Variants in XRCC4 observed in about 807,000 individuals in gnomAD.
XRCC4 encodes the protein X-ray repair cross complementing 4, also known as DNA repair protein XRCC4.
In XRCC4, 28 loss-of-function variants were observed where a neutral mutation model predicts 39.1. That is an observed-to-expected ratio of 0.72 (90% CI 0.53 to 0.98). The LOEUF (loss-of-function observed/expected upper bound fraction) is 0.98. Among genes scored for constraint, XRCC4 ranks in the 50% least tolerant of loss-of-function variants. The pLI is 0.00. For synonymous variants in XRCC4, 123 were observed against 126.4 expected, an observed-to-expected ratio of 0.97 and a Z score of 0.18; for missense variants, 350 against 376.4, an observed-to-expected ratio of 0.93 and a Z score of 0.58.
At chr5:83,290,622 CACTT>C (rs138930419) in intron 7 of XRCC4, among the ~76,000 whole-genome samples, 6,728 of 151,822 alleles carry the variant, frequency 0.044, 214 homozygotes, top group South Asian at 0.14. Flanking sequence ...ATCTGTTACT[CACTT>C]AAAGGGAAAA....
At chr5:83,369,165 T>C in the XRCC4 span, among the ~76,000 whole-genome samples, 1 of 152,166 alleles carries the variant, frequency 6.6e-6, no homozygotes, top group African/African-American at 2.4e-5. Flanking sequence ...AAAGCAATGA[T>C]CTTGCAAGAA....
rs558288672 is a variant in XRCC4, at chr5:83,342,334, A to G, written c.894-10797A>G. Among the ~76,000 whole-genome samples the G allele has an allele frequency of 3.2e-4, 49 of 152,288 alleles. No homozygotes were observed. In the South Asian group the frequency reaches 6.6e-3, roughly 21 times the overall value. ...TTAAAATTTGAATTCTCCAGAACAGATAATCTTATTTTTAAATCTGTAATA... is the reference window on the plus strand; with the variant it reads ...TTAAAATTTGAATTCTCCAGAACAGGTAATCTTATTTTTAAATCTGTAATA... On this transcript the variant is annotated intron_variant, in intron 7 of 7. Transcript: ENST00000396027.
chr5:83,223,464 C>A (rs375124026), intron 6 of XRCC4, among the ~76,000 whole-genome samples: 1 of 149,818 alleles, frequency 6.7e-6, no homozygotes, highest in African/African-American at 2.5e-5. Flanking sequence ...ATATAATTAC[C>A]TCCATTGTTG....
intron 1 of XRCC4, among the ~76,000 whole-genome samples, chr5:83,079,054 A>G (rs1472384406): frequency 1.3e-5 from 2 of 152,208 alleles, no homozygotes; most frequent in Non-Finnish European, 2.9e-5. Context: ...TCTTTGTTAC[A>G]TATAAAGGTA....
chr5:83,126,813 A>G (rs953587690), intron 3 of XRCC4, among the ~76,000 whole-genome samples: 6 of 152,174 alleles, frequency 3.9e-5, no homozygotes, highest in East Asian at 1.9e-4. Flanking sequence ...TAGAGACTCA[A>G]TCCTTCCAAC....
intron 1 of XRCC4, among the ~76,000 whole-genome samples, chr5:83,096,897 T>C (rs1745702474): frequency 7.0e-6 from 1 of 143,468 alleles, no homozygotes; most frequent in Non-Finnish European, 1.5e-5. Context: ...TTTCCCACAG[T>C]CCCACTCGTC....
chr5:83,082,774 T>C (rs551180810), intron 1 of XRCC4, among the ~76,000 whole-genome samples: 1 of 152,202 alleles, frequency 6.6e-6, no homozygotes, highest in Admixed American at 6.5e-5. Flanking sequence ...GTTAGTGTAT[T>C]TTATGTGTGG....
At chr5:83,206,828 G>A (rs984988460) in intron 6 of XRCC4, among the ~76,000 whole-genome samples, 5 of 152,010 alleles carry the variant, frequency 3.3e-5, no homozygotes, top group African/African-American at 9.7e-5. Flanking sequence ...TAGTAGATTA[G>A]TTTAGCCAGG....
rs112963957 is a variant in XRCC4, at chr5:83,253,357, T to G, written c.746-5173T>G. ...CTCATGGTTGGTTGGTTGGTTGGTTTGTCTGTACATGGCATTTGCAAACAG... is the reference window on the plus strand; with the variant it reads ...CTCATGGTTGGTTGGTTGGTTGGTTGGTCTGTACATGGCATTTGCAAACAG... On this transcript the variant is annotated intron_variant, in intron 6 of 7. Coordinates refer to ENST00000396027, the MANE Select transcript of XRCC4 (RefSeq NM_003401.5). Among the ~76,000 whole-genome samples the G allele has an allele frequency of 8.3e-3, 1,271 of 152,276 alleles. 16 individuals are homozygous for G. The highest frequency in any genetic ancestry group is 0.071 in the East Asian group (370 of 5,176).
At chr5:83,270,994 G>A (rs2112929345) in intron 7 of XRCC4, among the ~76,000 whole-genome samples, 1 of 151,886 alleles carries the variant, frequency 6.6e-6, no homozygotes, top group African/African-American at 2.4e-5. Context: ...CCATGTATAG[G>A]AAGACAGAAG....
chr5:83,095,403 T>C (rs143708026), intron 1 of XRCC4, among the ~76,000 whole-genome samples: 2 of 152,312 alleles, frequency 1.3e-5, no homozygotes, highest in African/African-American at 4.8e-5. Flanking sequence ...CCAATTTTTA[T>C]GTTCAATAGA....
At chr5:83,185,422 T>TTATATATATA (rs67640834) in intron 3 of XRCC4, among the ~76,000 whole-genome samples, 2 of 146,122 alleles carry the variant, frequency 1.4e-5, no homozygotes, top group African/African-American at 5.0e-5. Context: ...AAAGTATGTA[T>TTATATATATA]TATATATATA....
chr5:83,151,400 G>A (rs768966561), intron 3 of XRCC4, among the ~76,000 whole-genome samples: 1 of 152,110 alleles, frequency 6.6e-6, no homozygotes, highest in Non-Finnish European at 1.5e-5. Context: ...TAAAAAGGAA[G>A]AACTGTTGAT....
intron 3 of XRCC4, among the ~76,000 whole-genome samples, chr5:83,146,562 A>T (rs1241999548): frequency 6.6e-6 from 1 of 152,214 alleles, no homozygotes; most frequent in Non-Finnish European, 1.5e-5. Context: ...GTAAGAAATC[A>T]TATATTATTC....
intron 7 of XRCC4, among the ~76,000 whole-genome samples, chr5:83,330,357 T>A (rs1005888159): frequency 2.6e-5 from 4 of 152,040 alleles, no homozygotes; most frequent in Non-Finnish European, 5.9e-5. Flanking sequence ...TATATAATTA[T>A]ACAAGATAGT....
intron 3 of XRCC4, among the ~76,000 whole-genome samples, chr5:83,171,386 G>A (rs991049909): frequency 2.0e-5 from 3 of 151,876 alleles, no homozygotes; most frequent in African/African-American, 7.3e-5. Flanking sequence ...CCTTATCAGA[G>A]GACAAAATAT....
intron 7 of XRCC4, among the ~76,000 whole-genome samples, chr5:83,348,792 C>T (rs558674713): frequency 6.6e-6 from 1 of 152,324 alleles, no homozygotes; most frequent in Admixed American, 6.5e-5. Flanking sequence ...CTTTAATATT[C>T]TGCTTTCCTT....
intron 7 of XRCC4, among the ~76,000 whole-genome samples, chr5:83,293,458 T>C (rs1379993696): frequency 6.6e-6 from 1 of 152,008 alleles, no homozygotes; most frequent in Non-Finnish European, 1.5e-5. Context: ...TTTCTTTTTT[T>C]GTTTAAACTG....
At chr5:83,354,754 A>G (rs1416113552), downstream of XRCC4, among the ~76,000 whole-genome samples, 1 of 152,042 alleles carries the variant, frequency 6.6e-6, no homozygotes, top group Non-Finnish European at 1.5e-5. Context: ...AAAACCCAGG[A>G]ATCTTCCTTG....
Sources: gnomAD v4.1 joint callset for allele counts (sites outside exome capture counted in the v4.1 genomes callset) on GRCh38, gnomAD v4.1.1 for gene constraint, MANE v1.5 for transcripts, NCBI Gene and HGNC (gene_info 2026-07-23, HGNC 2026-07-21) for gene names.